AOC1: variants seen among roughly 807,000 people sequenced by gnomAD.
AOC1 encodes the protein diamine oxidase [copper-containing].
AOC1 carries 58 observed loss-of-function variants against 57.1 expected under a neutral mutation model. That is an observed-to-expected ratio of 1.02 (90% CI 0.82 to 1.26). The LOEUF is 1.26. AOC1 is among the 50% of genes most tolerant of loss of function. The probability of loss-of-function intolerance (pLI) is 0.00; values close to 1 mark genes in which losing one functional copy is unlikely to be tolerated. For missense variants in AOC1, 917 were observed against 1,005.3 expected (o/e 0.91, Z 1.19); for synonymous variants, 401 against 423.4 (o/e 0.95, Z 0.65).
intron 2 of AOC1, 50 bp from the exon 3 acceptor site, chr7:150,858,713 T>G: frequency 6.5e-7 from 1 of 1,537,626 alleles, no homozygotes; most frequent in East Asian, 2.3e-5. Context: ...TGAGGAGGTT[T>G]CAGTTCTGGC....
Position 150,858,944 on chromosome 7 carries a change from G to A in AOC1, c.1752G>A (p.Glu584=). 6.2e-7 allele frequency: 1 copy of A among 1,611,582 alleles called. No individual in the cohort carries two copies. Among genetic ancestry groups the A allele is most frequent in the South Asian group, 1.1e-5 (1 of 90,720 alleles). Residue 584 remains glutamate, a synonymous_variant, in exon 3 of 5, where the codon GAG becomes GAA. Coordinates refer to ENST00000360937, the MANE Select transcript of AOC1 (RefSeq NM_001091.4). ...ACCTGCTCTTTACCAGCCCCCAGGA[G>A]AACCCCTGGGGCCACAAGCGCACGT... is the stretch of plus-strand genomic sequence containing the variant. ...PKYLLFTSPQ[E]NPWGHKRTYR...
intron 3 of AOC1, 158 bp from the exon 4 acceptor site, chr7:150,860,343 A>T: frequency 1.5e-6 from 2 of 1,320,392 alleles, no homozygotes; most frequent in Non-Finnish European, 2.1e-6. Flanking sequence ...GAACCCGGTT[A>T]ACAGCAGCCC....
At position 150,861,289 on chromosome 7, in the gene AOC1, C is replaced by A; in HGVS notation, c.*80C>A. 1 of 1,438,090 alleles carries A rather than the reference C, an allele frequency of 7.0e-7. No individual in the cohort carries two copies. 89.1% of individuals were successfully genotyped at this position (1,438,090 alleles called of 1,614,324 possible). A position where few individuals can be genotyped will look rare whatever the true frequency, so the allele number is the denominator to read the frequency against. ...GGCAGACAATAAACCCTCAGAGCCT[C>A]GCTCTGTGTGCTGCTTCTTGCGGGG... is the stretch of plus-strand genomic sequence containing the variant. On this transcript the variant is annotated 3_prime_UTR_variant, in exon 5 of 5. Coordinates refer to ENST00000360937, the MANE Select transcript of AOC1 (RefSeq NM_001091.4). This position sits in a 1 kb window ranked among gnomAD's most constrained non-coding sequence, Gnocchi z 4.5.
chr7:150,861,390 G>C lies in AOC1; in HGVS notation c.*181G>C. ...CAGACGTGCACACACACACAGACAT[G>C]CACACACACACAGACGTGCACACAC... On this transcript the variant is annotated 3_prime_UTR_variant, in exon 5 of 5. Coordinates refer to ENST00000360937, the MANE Select transcript of AOC1 (RefSeq NM_001091.4). This position sits in a 1 kb window ranked among gnomAD's most constrained non-coding sequence, Gnocchi z 4.5. The C allele has an allele frequency of 1.6e-6, 1 of 626,688 alleles. No homozygotes were observed. 38.8% of individuals were successfully genotyped at this position (626,688 alleles called of 1,614,324 possible). A position where few individuals can be genotyped will look rare whatever the true frequency, so the allele number is the denominator to read the frequency against.
At position 150,857,394 on chromosome 7, in the gene AOC1, T is replaced by C; in HGVS notation, c.924T>C (p.Pro308=). Residue 308 remains proline (P), a synonymous_variant, in exon 2 of 5, where the codon CCT becomes CCC. Transcript: ENST00000360937. This position sits in a 1 kb window ranked among gnomAD's most constrained non-coding sequence, Gnocchi z 6.6. Reference sequence around the variant, plus strand: ...CCCGCTTGGTCCAGCCCCACGGCCCTCGCTTCAGGCTGGAGGGCAACGCTG... The same window carrying C: ...CCCGCTTGGTCCAGCCCCACGGCCCCCGCTTCAGGCTGGAGGGCAACGCTG... ...SGPRLVQPHG[P]RFRLEGNAVL... 3 of 1,610,352 alleles carry C rather than the reference T, an allele frequency of 1.9e-6. No homozygotes were observed. The highest frequency in any genetic ancestry group is 1.7e-6 in the Non-Finnish European group (2 of 1,178,454).
At position 150,856,511 on chromosome 7, in the gene AOC1, T is replaced by A; in HGVS notation, c.41T>A (p.Leu14Gln). The A allele has an allele frequency of 6.2e-7, 1 of 1,613,954 alleles. No individual in the cohort carries two copies. The highest frequency in any genetic ancestry group is 8.5e-7 in the Non-Finnish European group (1 of 1,179,920). Residue 14 changes from leucine to glutamine, a missense_variant, in exon 2 of 5, where the codon CTG (leucine) becomes CAG (glutamine). Physicochemically the swap from Leu to Gln is moderately radical, Grantham distance 113 (BLOSUM62 -2). Coordinates refer to ENST00000360937, the MANE Select transcript of AOC1 (RefSeq NM_001091.4). The surrounding 1 kb of genome is among the most constrained non-coding windows in gnomAD (Gnocchi z 5.2). ...LGWAVAAILMLQTAMAEPSPG... is the reference protein window; with the variant it reads ...LGWAVAAILMQQTAMAEPSPG... ...TGGGCCGTGGCTGCCATCCTGATGC[T>A]GCAGACGGCCATGGCGGAGCCCTCC...
At position 150,861,356 on chromosome 7, in the gene AOC1, GCACACACACAGACGTGCA is replaced by G. The variant is rs1563101749; in HGVS notation, c.*161_*178del. On this transcript the variant is annotated 3_prime_UTR_variant, in exon 5 of 5. Transcript: ENST00000360937. This position sits in a 1 kb window ranked among gnomAD's most constrained non-coding sequence, Gnocchi z 4.5. ...GTGTAGGAAACACACGAACAGACGTGCACACACACAGACGTGCACACACACACAGACATGCACACACAC... is the reference window on the plus strand; with the variant it reads ...GTGTAGGAAACACACGAACAGACGTGCACACACACAGACATGCACACACAC... 2.6e-6 allele frequency: 2 copies of G among 779,592 alleles called. No homozygotes were observed. Among genetic ancestry groups the G allele is most frequent in the Non-Finnish European group, 2.0e-6 (1 of 508,460 alleles). The allele number at this position is 779,592 out of a possible 1,614,324, so 48.3% of individuals were successfully genotyped here.
rs1799806967 is a variant in AOC1, at chr7:150,857,208, A to G, written c.738A>G (p.Pro246=). ...VWYNGKFYGS[P]EELARKYADG... Reference sequence around the variant, plus strand: ...ACAACGGGAAGTTCTATGGGAGCCCAGAGGAACTGGCTCGGAAGTATGCAG... The same window carrying G: ...ACAACGGGAAGTTCTATGGGAGCCCGGAGGAACTGGCTCGGAAGTATGCAG... The change falls in exon 2 of 5, where the codon CCA becomes CCG. Residue 246 remains proline, a synonymous_variant. Coordinates refer to ENST00000360937, the MANE Select transcript of AOC1 (RefSeq NM_001091.4). This position sits in a 1 kb window ranked among gnomAD's most constrained non-coding sequence, Gnocchi z 6.6. The G allele has an allele frequency of 1.9e-6, 3 of 1,612,932 alleles. No individual in the cohort carries two copies. Among genetic ancestry groups the G allele is most frequent in the Admixed American group, 3.3e-5 (2 of 59,918 alleles).
chr7:150,860,461 C>T, intron 3 of AOC1, 40 bp from the exon 4 acceptor site: 11 of 1,612,912 alleles, frequency 6.8e-6, no homozygotes, highest in Non-Finnish European at 9.3e-6. Flanking sequence ...GGGGGCCAGC[C>T]CAGGGCCCTG....
chr7:150,858,033 T>A lies in AOC1; in HGVS notation c.1563T>A (p.Asp521Glu), dbSNP rs746603024. 7 of 1,515,258 alleles carry A rather than the reference T, an allele frequency of 4.6e-6. No homozygotes were observed. The highest frequency in any genetic ancestry group is 6.2e-6 in the Non-Finnish European group (7 of 1,137,386). The allele number at this position is 1,515,258 out of a possible 1,614,324, so 93.9% of individuals were successfully genotyped here. ...THLVHYRVDL[D>E]VAGTKNSFQT... is the part of the protein sequence containing the mutation. Reference sequence around the variant, plus strand: ...TGGTGCACTACCGCGTAGACCTGGATGTGGCAGGTAGGACTCAAAGCGAGA... The same window carrying A: ...TGGTGCACTACCGCGTAGACCTGGAAGTGGCAGGTAGGACTCAAAGCGAGA... The change falls in exon 2 of 5, where the codon GAT becomes GAA. Residue 521 changes from aspartate to glutamate, a missense_variant. Asp to Glu is a conservative substitution (Grantham distance 45). Coordinates refer to ENST00000360937, the MANE Select transcript of AOC1 (RefSeq NM_001091.4).
At position 150,861,487 on chromosome 7, in the gene AOC1, T is replaced by G; in HGVS notation, c.*278T>G. 1 of 339,098 alleles carries G rather than the reference T, an allele frequency of 2.9e-6. No individual in the cohort carries two copies. Among genetic ancestry groups the G allele is most frequent in the East Asian group, 4.6e-5 (1 of 21,720 alleles). 21.0% of individuals were successfully genotyped at this position (339,098 alleles called of 1,614,324 possible). ...CTTTATTCACACTGGTCTACTGCAG[T>G]CCAGAAAAGCCACCATTACTAACAA... On this transcript the variant is annotated 3_prime_UTR_variant, in exon 5 of 5. Transcript: ENST00000360937. The surrounding 1 kb of genome is among the most constrained non-coding windows in gnomAD (Gnocchi z 4.5).
In AOC1 at chr7:150,857,790, C is replaced by T; in HGVS notation, c.1320C>T (p.Asn440=). Residue 440 remains asparagine, a synonymous_variant, in exon 2 of 5, where the codon AAC becomes AAT. Coordinates refer to ENST00000360937, the MANE Select transcript of AOC1 (RefSeq NM_001091.4). The surrounding 1 kb of genome is among the most constrained non-coding windows in gnomAD (Gnocchi z 6.6). ...HFNSNFKGGF[N]FYAGLKGQVL... is the part of the protein sequence containing the mutation. ...ATTCCAACTTTAAAGGTGGCTTCAA[C>T]TTCTATGCGGGGCTGAAGGGCCAGG... The T allele has an allele frequency of 3.1e-6, 5 of 1,614,202 alleles. No homozygotes were observed. Among genetic ancestry groups the T allele is most frequent in the Non-Finnish European group, 4.2e-6 (5 of 1,180,014 alleles).
At chr7:150,858,672 T>C in intron 2 of AOC1, 91 bp from the exon 3 acceptor site, 2 of 1,341,840 alleles carry the variant, frequency 1.5e-6, no homozygotes, top group Admixed American at 4.6e-5. Flanking sequence ...GGCTGTTGGA[T>C]GTGGTGGAGG....
chr7:150,860,783 C>G lies in AOC1; in HGVS notation c.1989+150C>G, dbSNP rs887233181. 28 of 1,372,304 alleles carry G rather than the reference C, an allele frequency of 2.0e-5. No homozygotes were observed. The East Asian group carries it at 4.4e-4, about 21-fold the overall frequency. The allele number at this position is 1,372,304 out of a possible 1,614,324, so 85.0% of individuals were successfully genotyped here. A position where few individuals can be genotyped will look rare whatever the true frequency, so the allele number is the denominator to read the frequency against. ...GAGCTGTGCCTTGCTGTGTGGACGG[C>G]AAGTTCAGAGGTCACAACAGAGCTG... On this transcript the variant is annotated intron_variant, in intron 4 of 4. Transcript: ENST00000360937.
Position 150,857,188 on chromosome 7 carries a change from G to C in AOC1, c.718G>C (p.Gly240Arg), listed in dbSNP as rs780112757. 1 of 1,613,282 alleles carries C rather than the reference G, an allele frequency of 6.2e-7. No individual in the cohort carries two copies. The highest frequency in any genetic ancestry group is 1.1e-5 in the South Asian group (1 of 91,012). The change falls in exon 2 of 5, where the codon GGG (glycine) becomes CGG (arginine). Residue 240 changes from glycine to arginine, a missense_variant. Gly to Arg is a moderately radical substitution (Grantham distance 125). Transcript: ENST00000360937. The surrounding 1 kb of genome is among the most constrained non-coding windows in gnomAD (Gnocchi z 6.6). The stretch of plus-strand genomic sequence containing the variant: ...GGCCGTGGAGCAGGTGTGGTACAAC[G>C]GGAAGTTCTATGGGAGCCCAGAGGA... ...HWAVEQVWYN[G>R]KFYGSPEELA...
rs1486640421 is a variant in AOC1, at chr7:150,857,525, T to C, written c.1055T>C (p.Val352Ala). The C allele has an allele frequency of 2.5e-6, 4 of 1,613,810 alleles. No individual in the cohort carries two copies. Among genetic ancestry groups the C allele is most frequent in the Non-Finnish European group, 3.4e-6 (4 of 1,179,992 alleles). ...GAGCGCATTGCCTATGAGGTCAGCG[T>C]GCAAGAGGCAGTGGCGCTGTATGGA... ...GGERIAYEVS[V>A]QEAVALYGGH... Residue 352 changes from valine (V) to alanine (A), a missense_variant, in exon 2 of 5, where the codon GTG becomes GCG. Physicochemically the swap from Val to Ala is moderately conservative, Grantham distance 64. Coordinates refer to ENST00000360937, the MANE Select transcript of AOC1 (RefSeq NM_001091.4). This position sits in a 1 kb window ranked among gnomAD's most constrained non-coding sequence, Gnocchi z 6.6.
chr7:150,858,022 G>C lies in AOC1; in HGVS notation c.1552G>C (p.Val518Leu). 1 of 1,527,438 alleles carries C rather than the reference G, an allele frequency of 6.5e-7. No individual in the cohort carries two copies. The highest frequency in any genetic ancestry group is 8.8e-7 in the Non-Finnish European group (1 of 1,142,412). 94.6% of individuals were successfully genotyped at this position (1,527,438 alleles called of 1,614,324 possible). ...NIHTHLVHYRVDLDVAGTKNS... is the reference protein window; with the variant it reads ...NIHTHLVHYRLDLDVAGTKNS... ...ACACACTCACTTGGTGCACTACCGCGTAGACCTGGATGTGGCAGGTAGGAC... is the reference window on the plus strand; with the variant it reads ...ACACACTCACTTGGTGCACTACCGCCTAGACCTGGATGTGGCAGGTAGGAC... The change falls in exon 2 of 5, where the codon GTA becomes CTA. Residue 518 changes from valine to leucine, a missense_variant. Val to Leu is a conservative substitution (Grantham distance 32). Transcript: ENST00000360937.
rs539142052 is a variant in AOC1, at chr7:150,859,634, C to T, written c.1856+586C>T. Reference sequence around the variant, plus strand: ...AGGAGAATGGCGTGAACCCGGGAGGCGGAGCTTGCAGTGAGCCGAGATCAC... The same window carrying T: ...AGGAGAATGGCGTGAACCCGGGAGGTGGAGCTTGCAGTGAGCCGAGATCAC... On this transcript the variant is annotated intron_variant, in intron 3 of 4. Coordinates refer to ENST00000360937, the MANE Select transcript of AOC1 (RefSeq NM_001091.4). Among the ~76,000 whole-genome samples the T allele has an allele frequency of 5.8e-5, 8 of 137,016 alleles. No homozygotes were observed. In the South Asian group the frequency reaches 1.2e-3, roughly 21 times the overall value. The allele number at this position is 137,016 out of a possible 152,430, so 89.9% of individuals were successfully genotyped here.
At position 150,857,466 on chromosome 7, in the gene AOC1, C is replaced by T. The variant is rs568777730; in HGVS notation, c.996C>T (p.Ser332=). 61 of 1,612,596 alleles carry T rather than the reference C, an allele frequency of 3.8e-5. No individual in the cohort carries two copies. Among genetic ancestry groups the T allele is most frequent in the Admixed American group, 1.2e-4 (7 of 59,998 alleles). The change falls in exon 2 of 5, where the codon TCC becomes TCT. Residue 332 remains serine (S), a synonymous_variant. Transcript: ENST00000360937. The surrounding 1 kb of genome is among the most constrained non-coding windows in gnomAD (Gnocchi z 6.6). ...WSFAFRLRSS[S]GLQVLNVHFG... is the part of the protein sequence containing the mutation. ...TTGCCTTCCGGCTGCGCTCCTCCTC[C>T]GGGCTGCAGGTCCTGAACGTGCACT...
Sources: gnomAD v4.1 joint callset for allele counts (sites outside exome capture counted in the v4.1 genomes callset) on GRCh38, gnomAD v4.1.1 for gene constraint, Gnocchi (gnomAD v3.1) non-coding constraint, MANE v1.5 for transcripts, NCBI Gene and HGNC (gene_info 2026-07-23, HGNC 2026-07-21) for gene names.